The following ABHD6 variants were observed in gnomAD, a reference collection of about 807,000 sequenced individuals.
The protein encoded by ABHD6 is abhydrolase domain containing 6, acylglycerol lipase.
A neutral mutation model predicts 38.8 loss-of-function variants in ABHD6; 33 were observed. The ratio of observed to expected loss-of-function variants is 0.85; its 90% CI spans 0.64 to 1.14. The LOEUF (loss-of-function observed/expected upper bound fraction) is 1.14. ABHD6 is among the 50% of genes most tolerant of loss of function. The probability of loss-of-function intolerance (pLI) is 0.00; values close to 1 mark genes in which losing one functional copy is unlikely to be tolerated. For synonymous variants in ABHD6, 147 were observed against 161.6 expected, an observed-to-expected ratio of 0.91 and a Z score of 0.69; for missense variants, 380 against 422.6, an observed-to-expected ratio of 0.90 and a Z score of 0.88.
chr3:58,240,490 A>T (rs917696553), intron 1 of ABHD6, among the ~76,000 whole-genome samples: 1 of 152,162 alleles, frequency 6.6e-6, no homozygotes, highest in African/African-American at 2.4e-5. Context: ...AAAGCTAAAT[A>T]TTTGGAAGAT....
At chr3:58,284,300 G>T (rs1480609008) in intron 7 of ABHD6, among the ~76,000 whole-genome samples, 1 of 152,152 alleles carries the variant, frequency 6.6e-6, no homozygotes. Flanking sequence ...CTCCCAGTGG[G>T]ACTGTGGAAC....
chr3:58,288,470 T>A (rs1302432003), intron 9 of ABHD6, among the ~76,000 whole-genome samples: 1 of 152,164 alleles, frequency 6.6e-6, no homozygotes, highest in African/African-American at 2.4e-5. Context: ...GGGAGGGCCA[T>A]CTAGAGACAG....
chr3:58,246,535 C>T (rs1424418921), intron 1 of ABHD6, among the ~76,000 whole-genome samples: 6 of 152,202 alleles, frequency 3.9e-5, no homozygotes, highest in Non-Finnish European at 7.3e-5. Context: ...ACCAGCCTGG[C>T]TGGGCTGAAT....
Position 58,259,509 on chromosome 3 carries a change from G to A in ABHD6, c.119+2804G>A, listed in dbSNP as rs572446017. 1.2e-3 allele frequency among the ~76,000 whole-genome samples: 177 copies of A among 152,072 alleles called. No homozygotes were observed. Among genetic ancestry groups the A allele is most frequent in the Middle Eastern group, 3.4e-3 (1 of 294 alleles). On this transcript the variant is annotated intron_variant, in intron 3 of 9. Transcript: ENST00000478253. The surrounding 1 kb of genome is among the most constrained non-coding windows in gnomAD (Gnocchi z 4.7). ...AGCCTGGCCAACATGGCGAAACCCC[G>A]TCTCTACTAAAAATACAAAAAATTA...
In ABHD6 at chr3:58,269,958, C is replaced by A. The variant is rs2097443642; in HGVS notation, c.390+524C>A. ...TTCAGGTTGACCTTAAATATTTTCCCCCAAATGAGGATATTTAATATCTGC... is the reference window on the plus strand; with the variant it reads ...TTCAGGTTGACCTTAAATATTTTCCACCAAATGAGGATATTTAATATCTGC... On this transcript the variant is annotated intron_variant, in intron 5 of 9. Coordinates refer to ENST00000478253, the MANE Select transcript of ABHD6 (RefSeq NM_001320126.2). This position sits in a 1 kb window ranked among gnomAD's most constrained non-coding sequence, Gnocchi z 4.4. Among the ~76,000 whole-genome samples, 1 of 152,174 alleles carries A rather than the reference C, an allele frequency of 6.6e-6. No individual in the cohort carries two copies. Among genetic ancestry groups the A allele is most frequent in the Non-Finnish European group, 1.5e-5 (1 of 68,034 alleles).
In ABHD6 at chr3:58,278,813, T is replaced by C. The variant is rs529439026; in HGVS notation, c.681+3998T>C. Among the ~76,000 whole-genome samples the C allele has an allele frequency of 3.9e-5, 6 of 152,346 alleles. No homozygotes were observed. In the East Asian group the frequency reaches 9.6e-4, roughly 24 times the overall value. Reference sequence around the variant, plus strand: ...CTGGTACATTGTATCTTTGTTCTCATTGGTTTCAAAGAACATCTTTATTTC... The same window carrying C: ...CTGGTACATTGTATCTTTGTTCTCACTGGTTTCAAAGAACATCTTTATTTC... On this transcript the variant is annotated intron_variant, in intron 7 of 9. Transcript: ENST00000478253.
intron 9 of ABHD6, among the ~76,000 whole-genome samples, chr3:58,292,478 C>T (rs2097463924): frequency 6.6e-6 from 1 of 152,068 alleles, no homozygotes; most frequent in African/African-American, 2.4e-5. Flanking sequence ...TAGCTGGGAA[C>T]CCAGAGGAAA....
Position 58,290,441 on chromosome 3 carries a change from CCGGA to C in ABHD6, c.838-3147_838-3144del, listed in dbSNP as rs1202706104. 5.0e-3 allele frequency among the ~76,000 whole-genome samples: 565 copies of C among 113,782 alleles called. 44 individuals carry two copies. The highest frequency in any genetic ancestry group is 8.4e-3 in the Non-Finnish European group (458 of 54,510). The allele number at this position is 113,782 out of a possible 152,430, so 74.6% of individuals were successfully genotyped here. ...GCTGGGCAGAGGCGCCCCTCACCTA[CCGGA>C]TGGGGCGGCTGGCCGGGCGGGGGGC... On this transcript the variant is annotated intron_variant, in intron 9 of 9. Coordinates refer to ENST00000478253, the MANE Select transcript of ABHD6 (RefSeq NM_001320126.2).
At chr3:58,289,837 C>T (rs1324310842) in intron 9 of ABHD6, among the ~76,000 whole-genome samples, 6 of 148,646 alleles carry the variant, frequency 4.0e-5, no homozygotes, top group East Asian at 2.0e-4. Context: ...CCTCACCACC[C>T]GGACAGGGCG....
At position 58,257,187 on chromosome 3, in the gene ABHD6, A is replaced by G. The variant is rs959179314; in HGVS notation, c.119+482A>G. Among the ~76,000 whole-genome samples, 3 of 151,944 alleles carry G rather than the reference A, an allele frequency of 2.0e-5. No homozygotes were observed. Among genetic ancestry groups the G allele is most frequent in the African/African-American group, 7.2e-5 (3 of 41,382 alleles). On this transcript the variant is annotated intron_variant, in intron 3 of 9. Transcript: ENST00000478253. The surrounding 1 kb of genome is among the most constrained non-coding windows in gnomAD (Gnocchi z 4.8). Reference sequence around the variant, plus strand: ...CTCTCTAAGTGCTGGGATTACAGGCATGAGCCATCATACCCGGCCCTTTTA... The same window carrying G: ...CTCTCTAAGTGCTGGGATTACAGGCGTGAGCCATCATACCCGGCCCTTTTA...
In ABHD6 at chr3:58,274,683, A is replaced by G. The variant is rs138535165; in HGVS notation, c.549A>G (p.Gln183=). The G allele has an allele frequency of 3.3e-5, 53 of 1,614,118 alleles. No individual in the cohort carries two copies. The highest frequency in any genetic ancestry group is 1.6e-4 in the Middle Eastern group (1 of 6,084). Residue 183 remains glutamine, a synonymous_variant, in exon 7 of 10, where the codon CAA becomes CAG. Coordinates refer to ENST00000478253, the MANE Select transcript of ABHD6 (RefSeq NM_001320126.2). The stretch of plus-strand genomic sequence containing the variant: ...GCCTGCAGTACTCAACTGACAATCA[A>G]TTTGTACAACGGCTCAAAGAACTGC... The part of the protein sequence containing the change: ...PAGLQYSTDN[Q]FVQRLKELQG...
At position 58,293,999 on chromosome 3, in the gene ABHD6, C is replaced by G; in HGVS notation, c.*234C>G. On this transcript the variant is annotated 3_prime_UTR_variant, in exon 10 of 10. Transcript: ENST00000478253. The surrounding 1 kb of genome is among the most constrained non-coding windows in gnomAD (Gnocchi z 4.4). ...CTCATATGGAACAAAATAAGAAACC[C>G]CAGCCATGAAATCTACCATGAAGTC... 2.5e-6 allele frequency: 1 copy of G among 406,044 alleles called. No individual in the cohort carries two copies. Among genetic ancestry groups the G allele is most frequent in the Admixed American group, 4.1e-5 (1 of 24,540 alleles). The allele number at this position is 406,044 out of a possible 1,614,324, so 25.2% of individuals were successfully genotyped here. A position where few individuals can be genotyped will look rare whatever the true frequency, so the allele number is the denominator to read the frequency against.
intron 1 of ABHD6, among the ~76,000 whole-genome samples, chr3:58,243,676 T>A (rs907722026): frequency 6.6e-6 from 1 of 151,886 alleles, no homozygotes; most frequent in Non-Finnish European, 1.5e-5. Flanking sequence ...TTCTTTTTTT[T>A]TTGAGACAGA....
intron 2 of ABHD6, among the ~76,000 whole-genome samples, chr3:58,250,358 C>T (rs753419244): frequency 6.6e-6 from 1 of 151,928 alleles, no homozygotes; most frequent in Non-Finnish European, 1.5e-5. Flanking sequence ...ATGGGGCTCG[C>T]GAGCTGGTTA....
chr3:58,288,801 G>C (rs2097459374), intron 9 of ABHD6, among the ~76,000 whole-genome samples: 1 of 152,192 alleles, frequency 6.6e-6, no homozygotes, highest in African/African-American at 2.4e-5. Flanking sequence ...AGATGAGAGA[G>C]ATGTGTCATG....
intron 1 of ABHD6, among the ~76,000 whole-genome samples, chr3:58,248,317 A>G (rs1211014145): frequency 6.6e-6 from 1 of 152,214 alleles, no homozygotes; most frequent in African/African-American, 2.4e-5. Context: ...ATTATTTCCA[A>G]TCTTTTGCCA....
chr3:58,293,483 T>A lies in ABHD6; in HGVS notation c.838-106T>A. ...CTTGGTCCTAAAATTCACATCCTCC[T>A]GCCCCACTGACCCCTGCCAGGCCTT... On this transcript the variant is annotated intron_variant, in intron 9 of 9. Coordinates refer to ENST00000478253, the MANE Select transcript of ABHD6 (RefSeq NM_001320126.2). The surrounding 1 kb of genome is among the most constrained non-coding windows in gnomAD (Gnocchi z 4.4). The A allele has an allele frequency of 8.1e-7, 1 of 1,228,266 alleles. No homozygotes were observed. The highest frequency in any genetic ancestry group is 2.5e-5 in the East Asian group (1 of 40,364). 76.1% of individuals were successfully genotyped at this position (1,228,266 alleles called of 1,614,324 possible).
chr3:58,264,214 G>A (rs185664472), intron 3 of ABHD6, among the ~76,000 whole-genome samples: 51 of 152,122 alleles, frequency 3.4e-4, no homozygotes, highest in Non-Finnish European at 6.3e-4. Flanking sequence ...AACGCTGGCT[G>A]GAACACTTTA....
At chr3:58,258,443 T>C (rs780959589) in intron 3 of ABHD6, 21 of 377,582 alleles carry the variant, frequency 5.6e-5, no homozygotes, top group South Asian at 3.8e-4. Flanking sequence ...GAGCTGAGCC[T>C]TTCTCCTTGT....
Sources: gnomAD v4.1 joint callset for allele counts (sites outside exome capture counted in the v4.1 genomes callset) on GRCh38, gnomAD v4.1.1 for gene constraint, Gnocchi (gnomAD v3.1) non-coding constraint, MANE v1.5 for transcripts, NCBI Gene and HGNC (gene_info 2026-07-23, HGNC 2026-07-21) for gene names.